The following RIMS1 variants were observed in gnomAD, a reference collection of about 807,000 sequenced individuals.
RIMS1 encodes regulating synaptic membrane exocytosis 1, also known as regulating synaptic membrane exocytosis protein 1.
A neutral mutation model predicts 214.1 loss-of-function variants in RIMS1; 83 were observed. That is an observed-to-expected ratio of 0.39 (90% CI 0.32 to 0.47). The LOEUF (loss-of-function observed/expected upper bound fraction) is 0.47, where lower values mean the gene tolerates loss of function less well. Ranked by LOEUF, RIMS1 falls within the 20% of genes least tolerant of loss-of-function variation. The probability of loss-of-function intolerance (pLI) is 0.99; values close to 1 mark genes in which losing one functional copy is unlikely to be tolerated. For missense variants in RIMS1, 2,050 were observed against 2,161.8 expected (o/e 0.95, Z 1.03); for synonymous variants, 793 against 786.8 (o/e 1.01, Z -0.13).
At chr6:72,122,074 T>A (rs2038468108) in intron 4 of RIMS1, among the ~76,000 whole-genome samples, 1 of 151,902 alleles carries the variant, frequency 6.6e-6, no homozygotes, top group African/African-American at 2.4e-5. Flanking sequence ...ATTGAGGAAT[T>A]TTCTTATAGA....
chr6:72,320,492 T>C (rs1389158578), intron 28 of RIMS1, among the ~76,000 whole-genome samples: 3 of 152,122 alleles, frequency 2.0e-5, no homozygotes, highest in Non-Finnish European at 2.9e-5. Flanking sequence ...AAAATTAAAA[T>C]ATGAGATGTG....
At chr6:71,940,571 T>C (rs770194766) in intron 1 of RIMS1, among the ~76,000 whole-genome samples, 2 of 152,182 alleles carry the variant, frequency 1.3e-5, no homozygotes, top group Non-Finnish European at 2.9e-5. Flanking sequence ...AGGAAGACTT[T>C]ATTCAAGACT....
At chr6:72,207,394 C>T (rs997688654) in intron 6 of RIMS1, among the ~76,000 whole-genome samples, 1 of 152,156 alleles carries the variant, frequency 6.6e-6, no homozygotes, top group Non-Finnish European at 1.5e-5. Context: ...TGACTATGTG[C>T]TTTCTTTAAT....
Position 71,887,270 on chromosome 6 carries a change from G to C in RIMS1, c.164+83G>C. ...ACTCACTCCCCTAGTCCTCGCGGCT[G>C]AGTGTGGGGAAGGGGCTGCCAGGGT... On this transcript the variant is annotated intron_variant, in intron 1 of 33. Coordinates refer to ENST00000521978, the MANE Select transcript of RIMS1 (RefSeq NM_014989.7). 2.0e-6 allele frequency: 3 copies of C among 1,518,390 alleles called. No individual in the cohort carries two copies. The South Asian group carries it at 3.6e-5, about 18-fold the overall frequency. 94.1% of individuals were successfully genotyped at this position (1,518,390 alleles called of 1,614,324 possible). A position where few individuals can be genotyped will look rare whatever the true frequency, so the allele number is the denominator to read the frequency against.
In RIMS1 at chr6:72,159,920, T is replaced by C. The variant is rs186348827; in HGVS notation, c.472-19655T>C. Among the ~76,000 whole-genome samples the C allele has an allele frequency of 1.7e-3, 238 of 140,204 alleles. 18 individuals are homozygous for C. The highest frequency in any genetic ancestry group is 5.7e-3 in the African/African-American group (232 of 40,676). 92.0% of individuals were successfully genotyped at this position (140,204 alleles called of 152,430 possible). Reference sequence around the variant, plus strand: ...ACTTTAAAGTGGTTTTTTCCAATTCTGTCAAGAAAGTCGTTGGTAGCTTGA... The same window carrying C: ...ACTTTAAAGTGGTTTTTTCCAATTCCGTCAAGAAAGTCGTTGGTAGCTTGA... On this transcript the variant is annotated intron_variant, in intron 4 of 33. Transcript: ENST00000521978.
intron 4 of RIMS1, among the ~76,000 whole-genome samples, chr6:72,126,417 A>G (rs1444633658): frequency 6.6e-6 from 1 of 152,190 alleles, no homozygotes; most frequent in Non-Finnish European, 1.5e-5. Flanking sequence ...AGTAATGAAT[A>G]AATGGGACAT....
At chr6:72,145,118 A>G (rs1400044205) in intron 4 of RIMS1, among the ~76,000 whole-genome samples, 1 of 152,198 alleles carries the variant, frequency 6.6e-6, no homozygotes, top group Non-Finnish European at 1.5e-5. Flanking sequence ...GATTATTTGC[A>G]TAAAGTGCAG....
intron 6 of RIMS1, among the ~76,000 whole-genome samples, chr6:72,208,847 C>A (rs72937894): frequency 0.18 from 27,326 of 152,120 alleles, 3,031 homozygotes; most frequent in Non-Finnish European, 0.25. Context: ...TCAACCCTGG[C>A]TCACATCCTG....
At chr6:72,173,144 A>G (rs182755893) in intron 4 of RIMS1, among the ~76,000 whole-genome samples, 1 of 152,194 alleles carries the variant, frequency 6.6e-6, no homozygotes, top group African/African-American at 2.4e-5. Flanking sequence ...CCTGAAGACT[A>G]TTGATAGTAT....
chr6:72,164,371 C>A (rs2045956926), intron 4 of RIMS1, among the ~76,000 whole-genome samples: 1 of 152,108 alleles, frequency 6.6e-6, no homozygotes, highest in East Asian at 1.9e-4. Flanking sequence ...TGATTTGGCT[C>A]ACACTCGGTG....
At position 72,096,979 on chromosome 6, in the gene RIMS1, G is replaced by A. The variant is rs1282245906; in HGVS notation, c.276G>A (p.Lys92=). Residue 92 remains lysine (K), a synonymous_variant, in exon 3 of 34, where the codon AAG becomes AAA. Coordinates refer to ENST00000521978, the MANE Select transcript of RIMS1 (RefSeq NM_014989.7). ...PRLHQQFESY[K]EQVRKIGEEA... The stretch of plus-strand genomic sequence containing the variant: ...TGCATCAACAGTTTGAAAGCTATAA[G>A]GAACAAGTGAGAAAAATAGGGGAAG... The A allele has an allele frequency of 6.2e-7, 1 of 1,613,774 alleles. No homozygotes were observed. The highest frequency in any genetic ancestry group is 8.5e-7 in the Non-Finnish European group (1 of 1,179,792).
At chr6:72,383,950 A>T (rs1325358949) in intron 29 of RIMS1, among the ~76,000 whole-genome samples, 1 of 152,214 alleles carries the variant, frequency 6.6e-6, no homozygotes, top group East Asian at 1.9e-4. Context: ...GTGAGTTAAC[A>T]AACCATTATT....
intron 29 of RIMS1, among the ~76,000 whole-genome samples, chr6:72,387,296 C>T (rs558494916): frequency 7.8e-4 from 119 of 152,292 alleles, no homozygotes; most frequent in African/African-American, 2.5e-3. Context: ...TTTAATGTTC[C>T]TGCAATTTCT....
At chr6:72,052,891 T>C (rs942940366) in intron 2 of RIMS1, among the ~76,000 whole-genome samples, 1 of 152,194 alleles carries the variant, frequency 6.6e-6, no homozygotes, top group Non-Finnish European at 1.5e-5. Flanking sequence ...ACAAAGGTTG[T>C]ATTCACAAGC....
chr6:72,341,502 A>T (rs910506929), intron 29 of RIMS1, among the ~76,000 whole-genome samples: 3 of 151,834 alleles, frequency 2.0e-5, no homozygotes, highest in African/African-American at 7.2e-5. Flanking sequence ...GACATCTATA[A>T]ATGTAAAATA....
At position 71,886,883 on chromosome 6, in the gene RIMS1, C is replaced by T. The variant is rs561330698; in HGVS notation, c.-141C>T. The T allele has an allele frequency of 6.9e-6, 6 of 874,054 alleles. No homozygotes were observed. In the East Asian group the frequency reaches 1.3e-4, roughly 19 times the overall value. The allele number at this position is 874,054 out of a possible 1,614,324, so 54.1% of individuals were successfully genotyped here. A position where few individuals can be genotyped will look rare whatever the true frequency, so the allele number is the denominator to read the frequency against. The stretch of plus-strand genomic sequence containing the variant: ...CTCCCCGGCTCTGCTGCTGCTGCTG[C>T]TGCCGCCGCCGCCGCTGCTCCTCCT... On this transcript the variant is annotated 5_prime_UTR_variant, in exon 1 of 34. Transcript: ENST00000521978.
intron 4 of RIMS1, among the ~76,000 whole-genome samples, chr6:72,119,365 T>C (rs1163252822): frequency 6.6e-6 from 1 of 151,868 alleles, no homozygotes; most frequent in Non-Finnish European, 1.5e-5. Context: ...GTAGAATCAA[T>C]ATTGTGAAAA....
intron 1 of RIMS1, among the ~76,000 whole-genome samples, chr6:71,916,403 A>T (rs1427325491): frequency 6.6e-6 from 1 of 152,136 alleles, no homozygotes; most frequent in Non-Finnish European, 1.5e-5. Context: ...TCCATAGCTG[A>T]AATCATTGTC....
intron 1 of RIMS1, among the ~76,000 whole-genome samples, chr6:71,900,429 C>T (rs1001689172): frequency 6.6e-6 from 1 of 152,018 alleles, no homozygotes; most frequent in African/African-American, 2.4e-5. Context: ...ATGATATAAT[C>T]TTATTAGCAT....
Sources: allele counts gnomAD v4.1 joint callset (sites outside exome capture counted in the v4.1 genomes callset), GRCh38; gene constraint gnomAD v4.1.1; transcripts MANE v1.5; gene names NCBI Gene and HGNC (gene_info 2026-07-23, HGNC 2026-07-21).